The following FRMD1 variants were observed in gnomAD, a reference collection of about 807,000 sequenced individuals.
FRMD1 encodes the protein FERM domain-containing protein 1.
In FRMD1, 51 loss-of-function variants were observed where a neutral mutation model predicts 54.9. The observed-to-expected ratio is 0.93, with a 90% CI of 0.74 to 1.17. The LOEUF (loss-of-function observed/expected upper bound fraction) is 1.17. Ranked by LOEUF, FRMD1 falls within the 50% of genes most tolerant of loss-of-function variation. The pLI is 0.00. For missense variants in FRMD1, 729 were observed against 743.0 expected (o/e 0.98, Z 0.22); for synonymous variants, 324 against 306.4 (o/e 1.06, Z -0.60).
chr6:168,075,131 G>T, intron 2 of FRMD1, 114 bp downstream of exon 2: 1 of 827,572 alleles, frequency 1.2e-6, no homozygotes, highest in Non-Finnish European at 2.1e-6. Flanking sequence ...GTGTACATAT[G>T]AGAGTGGTGT....
At chr6:168,066,647 G>T in intron 4 of FRMD1, 108 bp downstream of exon 4, 3 of 1,449,958 alleles carry the variant, frequency 2.1e-6, no homozygotes, top group African/African-American at 1.4e-5. Flanking sequence ...TTTGTTTTTT[G>T]TTTTTGGATA....
intron 1 of FRMD1, among the ~76,000 whole-genome samples, chr6:168,077,951 A>G (rs1400780999): frequency 6.6e-6 from 1 of 152,174 alleles, no homozygotes; most frequent in Non-Finnish European, 1.5e-5. Flanking sequence ...TGCCACAAAC[A>G]TAGATGTGGG....
intron 10 of FRMD1, among the ~76,000 whole-genome samples, chr6:168,058,098 C>T (rs909040393): frequency 6.6e-6 from 1 of 152,244 alleles, no homozygotes; most frequent in Non-Finnish European, 1.5e-5. Context: ...GGGATGGGCC[C>T]GCGCCTGCCA....
rs934874152 is a variant in FRMD1, at chr6:168,055,206, A to G, written c.*1891T>C. On this transcript the variant is annotated 3_prime_UTR_variant, in exon 11 of 11. Transcript: ENST00000283309. ...CCGGGCCAGCTTCACTGATGCTTCC[A>G]CAAGTTAGGGGTGGGCTGGCCCGGC... The G allele has an allele frequency of 6.6e-6, 1 of 152,198 alleles. No homozygotes were observed. Among genetic ancestry groups the G allele is most frequent in the Admixed American group, 6.5e-5 (1 of 15,284 alleles). 9.4% of individuals were successfully genotyped at this position (152,198 alleles called of 1,614,324 possible). A position where few individuals can be genotyped will look rare whatever the true frequency, so the allele number is the denominator to read the frequency against.
chr6:168,078,799 C>CCTGCTCACTCCCAGGGCT, intron 1 of FRMD1, 83 bp downstream of exon 1: 2 of 1,142,076 alleles, frequency 1.8e-6, no homozygotes, highest in Non-Finnish European at 2.3e-6. Flanking sequence ...CACCCAGGGC[C>CCTGCTCACTCCCAGGGCT]CTGCTCACCC....
chr6:168,086,789 G>A (rs1188371493), intron 1 of FRMD1, among the ~76,000 whole-genome samples: 1 of 152,238 alleles, frequency 6.6e-6, no homozygotes, highest in Non-Finnish European at 1.5e-5. Flanking sequence ...CCCCACACTG[G>A]ATGGCACGAT....
intron 2 of FRMD1, 60 bp from the exon 3 acceptor site, chr6:168,067,506 G>T (rs6906979): frequency 0.89 from 935,697 of 1,048,404 alleles, 418,190 homozygotes; most frequent in Non-Finnish European, 0.91. Flanking sequence ...GTGTCACCGT[G>T]TGTTCAAAAC....
chr6:168,081,501 G>C (rs746121347), upstream of FRMD1: 46 of 1,532,562 alleles, frequency 3.0e-5, no homozygotes, highest in Non-Finnish European at 3.8e-5. Context: ...AGTCCTCCTC[G>C]GCCCAACTCT....
At chr6:168,075,790 G>A (rs756610534) in intron 1 of FRMD1, 9 of 1,550,582 alleles carry the variant, frequency 5.8e-6, no homozygotes, top group Non-Finnish European at 7.0e-6. Flanking sequence ...TCCTACAGCT[G>A]AGCCTCTCAC....
intron 1 of FRMD1, among the ~76,000 whole-genome samples, chr6:168,078,480 T>C (rs1800687921): frequency 6.6e-6 from 1 of 151,892 alleles, no homozygotes; most frequent in South Asian, 2.1e-4. Flanking sequence ...GTCCAGGGAC[T>C]TTCCATACAC....
At chr6:168,086,230 A>G (rs1450251252), upstream of FRMD1, among the ~76,000 whole-genome samples, 14 of 150,882 alleles carry the variant, frequency 9.3e-5, no homozygotes, top group East Asian at 2.5e-3. Flanking sequence ...ATGGACACCC[A>G]CATCTTCAGT....
At chr6:168,090,524 C>T (rs1800998866) in intron 1 of FRMD1, among the ~76,000 whole-genome samples, 2 of 152,224 alleles carry the variant, frequency 1.3e-5, no homozygotes, top group South Asian at 4.1e-4. Context: ...TCCCTGTTCT[C>T]ACTGCCGGCT....
chr6:168,061,878 C>G lies in FRMD1; in HGVS notation c.974G>C (p.Arg325Pro). ...GCGGAGGTGGAGCTGGTGGCTGGCG[C>G]GCAGCAGGTGCAGCAGGTGCCTGGA... is the stretch of plus-strand genomic sequence containing the variant. ...WRSRHLLHLL[R>P]ASHQLHLRVR... Residue 325 changes from arginine to proline, a missense_variant, in exon 8 of 11, where the codon CGC becomes CCC. Transcript: ENST00000283309. The G allele has an allele frequency of 1.9e-6, 3 of 1,589,128 alleles. No individual in the cohort carries two copies. Among genetic ancestry groups the G allele is most frequent in the Non-Finnish European group, 1.7e-6 (2 of 1,169,324 alleles).
rs1799959690 is a variant in FRMD1, at chr6:168,065,047, C to T, written c.472G>A (p.Ala158Thr). 6.2e-7 allele frequency: 1 copy of T among 1,600,236 alleles called. No individual in the cohort carries two copies. The highest frequency in any genetic ancestry group is 8.5e-7 in the Non-Finnish European group (1 of 1,170,998). The change falls in exon 5 of 11, where the codon GCA becomes ACA. Residue 158 changes from alanine to threonine, a missense_variant. Physicochemically the swap from Ala to Thr is moderately conservative, Grantham distance 58. Coordinates refer to ENST00000283309, the MANE Select transcript of FRMD1 (RefSeq NM_024919.6). ...AAGTGGCAGTAGTACAGGTGCCGTGCCCTGTGGTCGCTGGAAGGTGGCAGG... is the reference window on the plus strand; with the variant it reads ...AAGTGGCAGTAGTACAGGTGCCGTGTCCTGTGGTCGCTGGAAGGTGGCAGG... ...ENGRVISDHR[A>T]RHLYYCHLKE... is the part of the protein sequence containing the mutation.
chr6:168,092,321 A>C (rs1583217212), intron 1 of FRMD1, among the ~76,000 whole-genome samples: 1 of 152,160 alleles, frequency 6.6e-6, no homozygotes, highest in Admixed American at 6.5e-5. Context: ...ACAAATGCAC[A>C]CTGGGCTGCT....
intron 2 of FRMD1, among the ~76,000 whole-genome samples, chr6:168,071,495 G>A (rs1800306573): frequency 1.3e-5 from 2 of 152,186 alleles, no homozygotes; most frequent in African/African-American, 2.4e-5. Flanking sequence ...CAGCGCCAGG[G>A]AGGTTGAGGG....
upstream of FRMD1, among the ~76,000 whole-genome samples, chr6:168,085,816 G>A (rs1326716107): frequency 6.7e-6 from 1 of 149,318 alleles, no homozygotes; most frequent in Non-Finnish European, 1.5e-5. Context: ...GCTCCCTATC[G>A]CCCAGCCATA....
intron 1 of FRMD1, among the ~76,000 whole-genome samples, chr6:168,089,272 AC>A (rs1465074429): frequency 1.3e-5 from 2 of 152,120 alleles, no homozygotes; most frequent in East Asian, 3.9e-4. Flanking sequence ...GGGTGAAGGG[AC>A]CCAGGGTGTG....
upstream of FRMD1, among the ~76,000 whole-genome samples, chr6:168,082,769 TGG>T (rs1183664971): frequency 6.6e-6 from 1 of 152,212 alleles, no homozygotes; most frequent in African/African-American, 2.4e-5. Flanking sequence ...CCTCGTCTTC[TGG>T]GATGACTGAG....
Sources: allele counts gnomAD v4.1 joint callset (sites outside exome capture counted in the v4.1 genomes callset), GRCh38; gene constraint gnomAD v4.1.1; transcripts MANE v1.5; gene names NCBI Gene and HGNC (gene_info 2026-07-23, HGNC 2026-07-21).